Variants in NEK11 observed in about 807,000 individuals in gnomAD.
NEK11 encodes NIMA related kinase 11, also known as serine/threonine-protein kinase Nek11.
Under a neutral mutation model 80.7 loss-of-function variants are expected in NEK11, and 72 were observed. That is an observed-to-expected ratio of 0.89 (90% confidence interval 0.74 to 1.08). The LOEUF is 1.08. Among genes scored for constraint, NEK11 ranks in the 50% least tolerant of loss-of-function variants. The pLI, the probability that NEK11 is intolerant of heterozygous loss-of-function variation, is 0.00. For synonymous variants in NEK11, 251 were observed against 260.7 expected (o/e 0.96, Z 0.36); for missense variants, 764 against 763.6 (o/e 1.00, Z -0.01).
chr3:131,330,335 C>T (rs1382326122), intron 17 of NEK11: 1 of 152,122 alleles, frequency 6.6e-6, no homozygotes, highest in South Asian at 2.1e-4. Flanking sequence ...GACATCCACA[C>T]AGAAGTGTCA....
At chr3:131,270,833 A>T (rs2096169687) in intron 16 of NEK11, among the ~76,000 whole-genome samples, 2 of 152,170 alleles carry the variant, frequency 1.3e-5, no homozygotes, top group Non-Finnish European at 2.9e-5. Flanking sequence ...TATTTGCATA[A>T]GTCTTCAAAA....
At chr3:131,180,467 G>A (rs1560824209) in intron 14 of NEK11, among the ~76,000 whole-genome samples, 2 of 151,916 alleles carry the variant, frequency 1.3e-5, no homozygotes, top group Non-Finnish European at 2.9e-5. Context: ...TTATAAAATA[G>A]GCTTATTTCT....
intron 3 of NEK11, among the ~76,000 whole-genome samples, chr3:131,043,307 ACTC>A (rs2066830343): frequency 6.6e-6 from 1 of 152,132 alleles, no homozygotes; most frequent in South Asian, 2.1e-4. Context: ...ATAATAATGA[ACTC>A]CTCCGAGCTA....
At chr3:131,338,234 G>A (rs2097221280) in intron 17 of NEK11, among the ~76,000 whole-genome samples, 2 of 148,408 alleles carry the variant, frequency 1.3e-5, no homozygotes, top group Non-Finnish European at 3.0e-5. Context: ...CAAAGTGTTG[G>A]GATTACAGGC....
rs183537662 is a variant in NEK11, at chr3:131,099,737, A to G, written c.337-10066A>G. Among the ~76,000 whole-genome samples the G allele has an allele frequency of 3.4e-4, 52 of 152,238 alleles. 1 individual carries two copies. The East Asian group carries it at 9.3e-3, about 27-fold the overall frequency. The stretch of plus-strand genomic sequence containing the variant: ...TTCATTTTCTTTGTGGCTATTTTAA[A>G]TGGGATTGTGTTCTTGATTTGACTC... On this transcript the variant is annotated intron_variant, in intron 4 of 17. Coordinates refer to ENST00000383366, the MANE Select transcript of NEK11 (RefSeq NM_024800.5).
At chr3:131,324,665 A>T (rs1305727239) in intron 17 of NEK11, among the ~76,000 whole-genome samples, 3 of 152,220 alleles carry the variant, frequency 2.0e-5, no homozygotes, top group African/African-American at 7.2e-5. Flanking sequence ...TTCATGGCAC[A>T]TTGTTTAGTG....
intron 17 of NEK11, among the ~76,000 whole-genome samples, chr3:131,306,385 G>A (rs1381826277): frequency 6.6e-6 from 1 of 152,096 alleles, no homozygotes; most frequent in African/African-American, 2.4e-5. Flanking sequence ...TACACTCCTA[G>A]GAATAAGTTC....
chr3:131,225,561 C>T (rs1309572096), intron 14 of NEK11, among the ~76,000 whole-genome samples: 2 of 152,294 alleles, frequency 1.3e-5, no homozygotes, highest in East Asian at 3.9e-4. Flanking sequence ...TGAATATTAT[C>T]ATCTTTATTT....
At chr3:131,126,959 CTTTTTTTT>C (rs71133688) in intron 5 of NEK11, among the ~76,000 whole-genome samples, 4 of 90,102 alleles carry the variant, frequency 4.4e-5, no homozygotes, top group Non-Finnish European at 6.2e-5. Flanking sequence ...TTCTTTCTTT[CTTTTTTTT>C]TTTTTTTTTT....
At chr3:131,079,065 TC>T (rs2074834584) in intron 3 of NEK11, among the ~76,000 whole-genome samples, 1 of 152,224 alleles carries the variant, frequency 6.6e-6, no homozygotes, top group Admixed American at 6.5e-5. Flanking sequence ...CTTTTTATTT[TC>T]AAGTTTTTTG....
chr3:131,163,143 TA>T (rs2091842033), intron 11 of NEK11, among the ~76,000 whole-genome samples: 2 of 152,190 alleles, frequency 1.3e-5, no homozygotes, highest in Admixed American at 6.5e-5. Flanking sequence ...GGTGAGAATG[TA>T]AATCAGTACA....
intron 7 of NEK11, among the ~76,000 whole-genome samples, chr3:131,148,784 G>A (rs996634393): frequency 1.3e-5 from 2 of 151,496 alleles, no homozygotes; most frequent in Non-Finnish European, 3.0e-5. Context: ...AGGGCTTGGT[G>A]TACAGATTAT....
intron 14 of NEK11, among the ~76,000 whole-genome samples, chr3:131,222,734 T>G (rs953413170): frequency 1.3e-5 from 2 of 152,202 alleles, no homozygotes; most frequent in Admixed American, 1.3e-4. Flanking sequence ...ACCAGCAGCA[T>G]CAGCATCAGC....
chr3:131,321,677 A>G (rs746718621), intron 17 of NEK11, among the ~76,000 whole-genome samples: 6 of 152,160 alleles, frequency 3.9e-5, no homozygotes, highest in Non-Finnish European at 8.8e-5. Context: ...CATTTAAAAA[A>G]TGGGCAAGAC....
intron 5 of NEK11, among the ~76,000 whole-genome samples, chr3:131,116,328 G>T (rs1269289581): frequency 6.6e-6 from 1 of 152,136 alleles, no homozygotes; most frequent in East Asian, 1.9e-4. Context: ...TGGCTGCATA[G>T]TATTCCATGG....
At chr3:131,332,303 GT>G (rs2097103634) in intron 17 of NEK11, among the ~76,000 whole-genome samples, 1 of 152,214 alleles carries the variant, frequency 6.6e-6, no homozygotes, top group Non-Finnish European at 1.5e-5. Flanking sequence ...AGCATTCGTG[GT>G]TCACGAAAAT....
rs369169770 is a variant in NEK11 at position 131,041,701 on chromosome 3, C to T, written c.170+11823C>T. Among the ~76,000 whole-genome samples the T allele has an allele frequency of 3.3e-5, 5 of 152,102 alleles. No individual in the cohort carries two copies. The East Asian group carries it at 9.6e-4, about 29-fold the overall frequency. On this transcript the variant is annotated intron_variant, in intron 3 of 17. Transcript: ENST00000383366. ...TATCCCGTTCTGATGGATGAAGAGG[C>T]AAGGGCTCAATATTTCATAACTATA...
rs370009670 is a variant in NEK11, at chr3:131,168,814, G to T, written c.1177-16G>T. The T allele has an allele frequency of 4.4e-6, 7 of 1,594,870 alleles. No individual in the cohort carries two copies. Among genetic ancestry groups the T allele is most frequent in the Middle Eastern group, 1.7e-4 (1 of 6,014 alleles). ...GGAAAACCACTGCTGAACAGACTTT[G>T]TCATAATCTCTTTAGGAAAAAACAC... On this transcript the variant is annotated splice_polypyrimidine_tract_variant and intron_variant, in intron 12 of 17. Transcript: ENST00000383366.
At chr3:131,296,032 G>A (rs970822648) in intron 17 of NEK11, among the ~76,000 whole-genome samples, 1 of 151,920 alleles carries the variant, frequency 6.6e-6, no homozygotes. Flanking sequence ...GTAGAGATAG[G>A]GTTTCACCAT....
Sources: gnomAD v4.1 joint callset for allele counts (sites outside exome capture counted in the v4.1 genomes callset) on GRCh38, gnomAD v4.1.1 for gene constraint, MANE v1.5 for transcripts, NCBI Gene and HGNC (gene_info 2026-07-23, HGNC 2026-07-21) for gene names.